The following NNT variants were observed in gnomAD, a reference collection of about 807,000 sequenced individuals.
NNT encodes NAD(P) transhydrogenase, mitochondrial.
NNT carries 50 observed loss-of-function variants against 104.8 expected under a neutral mutation model. The ratio of observed to expected loss-of-function variants is 0.48; its 90% CI spans 0.38 to 0.60. The LOEUF is 0.60. Among genes scored for constraint, NNT ranks in the 20% least tolerant of loss-of-function variants. NNT has a pLI of 0.00. For missense variants in NNT, 1,131 were observed against 1,330.7 expected (o/e 0.85, Z 2.33); for synonymous variants, 461 against 490.4 (o/e 0.94, Z 0.79).
intron 12 of NNT, 92 bp downstream of exon 12, chr5:43,650,679 CA>C: frequency 1.1e-6 from 1 of 931,596 alleles, no homozygotes; most frequent in Non-Finnish European, 1.6e-6. Flanking sequence ...ATTGTGCCTT[CA>C]AAAAATGTTT....
rs1739689367 is a variant in NNT at position 43,650,354 on chromosome 5, C to A, written c.1607-123C>A. ...TTTTAATGAGGGTGTAAGAAAGCTG[C>A]CTTGTTTTTTAATATTGAGAACTTT... On this transcript the variant is annotated intron_variant, in intron 11 of 21. Transcript: ENST00000344920. The A allele has an allele frequency of 6.5e-6, 4 of 617,018 alleles. No individual in the cohort carries two copies. In the South Asian group the frequency reaches 8.4e-5, roughly 13 times the overall value. 38.2% of individuals were successfully genotyped at this position (617,018 alleles called of 1,614,324 possible).
intron 5 of NNT, among the ~76,000 whole-genome samples, chr5:43,620,955 T>A (rs1317424942): frequency 6.6e-6 from 1 of 152,238 alleles, no homozygotes; most frequent in Non-Finnish European, 1.5e-5. Flanking sequence ...GAAAAGAGAA[T>A]CAGCCTTTAA....
intron 16 of NNT, 72 bp from the exon 17 acceptor site, chr5:43,659,099 G>A (rs1393538242): frequency 1.2e-5 from 17 of 1,410,742 alleles, no homozygotes; most frequent in Non-Finnish European, 1.5e-5. Context: ...TAATTAAGGA[G>A]CAAAATGTTA....
chr5:43,645,653 A>ATCTCTCTCTCTC (rs372296149), intron 10 of NNT, 143 bp downstream of exon 10: 101 of 68,520 alleles, frequency 1.5e-3, no homozygotes, highest in South Asian at 2.3e-3. Context: ...CTATCTATCT[A>ATCTCTCTCTCTC]TCTCTCTCTC....
Position 43,706,787 on chromosome 5 carries a change from GC to G in NNT, c.*2385del, listed in dbSNP as rs1743105083. On this transcript the variant is annotated 3_prime_UTR_variant, in exon 22 of 22. Coordinates refer to ENST00000344920, the MANE Select transcript of NNT (RefSeq NM_182977.3). ...CATATACACCATGGAATACTATGCAGCCATAAAAAAGGATGAGTTCATGTCC... is the reference window on the plus strand; with the variant it reads ...CATATACACCATGGAATACTATGCAGCATAAAAAAGGATGAGTTCATGTCC... 6.6e-6 allele frequency: 1 copy of G among 152,206 alleles called. No individual in the cohort carries two copies. The highest frequency in any genetic ancestry group is 1.5e-5 in the Non-Finnish European group (1 of 68,042). The allele number at this position is 152,206 out of a possible 1,614,324, so 9.4% of individuals were successfully genotyped here.
chr5:43,675,925 T>C (rs1010399142), intron 18 of NNT, among the ~76,000 whole-genome samples: 13 of 152,194 alleles, frequency 8.5e-5, no homozygotes, highest in African/African-American at 1.2e-4. Flanking sequence ...TATGTGTACA[T>C]GTTTACATCA....
intron 17 of NNT, among the ~76,000 whole-genome samples, chr5:43,670,198 G>T (rs1275907748): frequency 2.6e-5 from 4 of 152,030 alleles, no homozygotes; most frequent in East Asian, 3.9e-4. Context: ...CTTGCTAGTG[G>T]TCTATCAATT....
chr5:43,656,048 T>G lies in NNT; in HGVS notation c.2268T>G (p.Ser756=). The G allele has an allele frequency of 6.2e-7, 1 of 1,614,124 alleles. No individual in the cohort carries two copies. The highest frequency in any genetic ancestry group is 8.5e-7 in the Non-Finnish European group (1 of 1,179,948). Residue 756 remains serine, a synonymous_variant, in exon 15 of 22, where the codon TCT becomes TCG. Transcript: ENST00000344920. ...TTGGTGGCGTCACCTTTAGTGGGTC[T>G]CTCATTGCCTATGGAAAATTGCAGG... is the stretch of plus-strand genomic sequence containing the variant. ...TYIGGVTFSG[S]LIAYGKLQGL... is the part of the protein sequence containing the mutation.
At chr5:43,607,592 C>T (rs866507929) in intron 1 of NNT, among the ~76,000 whole-genome samples, 8 of 152,170 alleles carry the variant, frequency 5.3e-5, no homozygotes, top group Non-Finnish European at 1.0e-4. Flanking sequence ...TCTCTTCACA[C>T]GGACGTGCAT....
chr5:43,675,387 A>C (rs1741355967), intron 17 of NNT, 124 bp from the exon 18 acceptor site: 1 of 778,780 alleles, frequency 1.3e-6, no homozygotes, highest in Non-Finnish European at 1.9e-6. Flanking sequence ...TTATCTGATT[A>C]AAGTGTTTTA....
intron 17 of NNT, chr5:43,667,206 TGTA>T (rs2112029131): frequency 7.6e-7 from 1 of 1,320,830 alleles, no homozygotes; most frequent in Admixed American, 1.7e-5. Flanking sequence ...ACTGGTTGTG[TGTA>T]GTGTGGTTCT....
At chr5:43,610,951 AT>A (rs544026065) in intron 2 of NNT, among the ~76,000 whole-genome samples, 341 of 152,298 alleles carry the variant, frequency 2.2e-3, no homozygotes, top group African/African-American at 7.6e-3. Flanking sequence ...TAAGAAGTCT[AT>A]TTTTTCCTTA....
chr5:43,668,060 A>G (rs1358006895), intron 17 of NNT, among the ~76,000 whole-genome samples: 1 of 152,186 alleles, frequency 6.6e-6, no homozygotes, highest in Non-Finnish European at 1.5e-5. Context: ...GGCTGCATAA[A>G]TGTCTTCTTT....
chr5:43,656,425 T>G (rs1740050827), intron 15 of NNT, among the ~76,000 whole-genome samples: 1 of 152,200 alleles, frequency 6.6e-6, no homozygotes, highest in South Asian at 2.1e-4. Flanking sequence ...TGATACTTAG[T>G]AAGTCTCATA....
At chr5:43,613,285 T>C in intron 3 of NNT, 148 bp downstream of exon 3, 2 of 623,470 alleles carry the variant, frequency 3.2e-6, no homozygotes, top group Middle Eastern at 8.6e-4. Context: ...CATGTCGTCA[T>C]ATTCTTCATG....
intron 7 of NNT, among the ~76,000 whole-genome samples, chr5:43,630,168 A>T (rs1273807082): frequency 2.0e-5 from 3 of 152,082 alleles, no homozygotes; most frequent in Non-Finnish European, 4.4e-5. Context: ...AGGGGTGAGG[A>T]TCCAGCTTCA....
chr5:43,692,641 G>A (rs76322641), intron 19 of NNT, among the ~76,000 whole-genome samples: 2,143 of 152,034 alleles, frequency 0.014, 53 homozygotes, highest in African/African-American at 0.045. Flanking sequence ...TGATTTTTAC[G>A]GTACCAATCT....
intron 18 of NNT, 37 bp downstream of exon 18, chr5:43,675,707 G>A (rs1350347796): frequency 6.8e-7 from 1 of 1,461,588 alleles, no homozygotes; most frequent in Non-Finnish European, 9.1e-7. Context: ...ACCTATAATA[G>A]CTGTTATAAT....
intron 17 of NNT, among the ~76,000 whole-genome samples, chr5:43,661,048 A>G (rs1318050500): frequency 6.6e-6 from 1 of 152,176 alleles, no homozygotes; most frequent in Non-Finnish European, 1.5e-5. Context: ...TCATAGTAAA[A>G]AATATTTTTG....
Sources: allele counts gnomAD v4.1 joint callset (sites outside exome capture counted in the v4.1 genomes callset), GRCh38; gene constraint gnomAD v4.1.1; transcripts MANE v1.5; gene names NCBI Gene and HGNC (gene_info 2026-07-23, HGNC 2026-07-21).